The following LIN52 variants were observed in gnomAD, a reference collection of about 807,000 sequenced individuals.
LIN52 encodes lin-52 DREAM MuvB core complex component, also known as protein lin-52 homolog.
LIN52 carries 4 observed loss-of-function variants against 18.5 expected under a neutral mutation model. The ratio of observed to expected loss-of-function variants is 0.22; its 90% CI spans 0.11 to 0.49. The LOEUF is 0.49. LIN52 is among the 20% of genes least tolerant of loss of function. The pLI, the probability that LIN52 is intolerant of heterozygous loss-of-function variation, is 0.97. For missense variants in LIN52, 102 were observed against 139.5 expected (o/e 0.73, Z 1.35); for synonymous variants, 34 against 45.5 (o/e 0.75, Z 1.02).
chr14:74,115,470 C>CA (rs2060959279), intron 5 of LIN52, among the ~76,000 whole-genome samples: 1 of 142,604 alleles, frequency 7.0e-6, no homozygotes, highest in African/African-American at 2.7e-5. Flanking sequence ...AAAAGCACCC[C>CA]AAAGACTGTG....
At chr14:74,086,852 A>C (rs1326838524) in intron 1 of LIN52, among the ~76,000 whole-genome samples, 3 of 152,156 alleles carry the variant, frequency 2.0e-5, no homozygotes, top group African/African-American at 7.2e-5. Context: ...TCTGGAAATG[A>C]ATGTGATGAT....
intron 5 of LIN52, among the ~76,000 whole-genome samples, chr14:74,131,849 C>A (rs1393128182): frequency 6.6e-6 from 1 of 152,098 alleles, no homozygotes; most frequent in Non-Finnish European, 1.5e-5. Context: ...TTTCCCAGGG[C>A]CAACTAGTAA....
At chr14:74,114,847 G>A (rs2060954685) in intron 5 of LIN52, among the ~76,000 whole-genome samples, 1 of 152,180 alleles carries the variant, frequency 6.6e-6, no homozygotes, top group Non-Finnish European at 1.5e-5. Context: ...GACTTGTGAA[G>A]TCCCTATTTT....
chr14:74,186,015 A>C (rs1274380070), intron 5 of LIN52, among the ~76,000 whole-genome samples: 1 of 152,202 alleles, frequency 6.6e-6, no homozygotes, highest in African/African-American at 2.4e-5. Context: ...GAGGCCGGGC[A>C]CAGTGGCTCA....
intron 5 of LIN52, among the ~76,000 whole-genome samples, chr14:74,110,975 A>AT (rs2060923110): frequency 6.6e-6 from 1 of 152,204 alleles, no homozygotes; most frequent in Non-Finnish European, 1.5e-5. Flanking sequence ...CAAAAAAAAA[A>AT]AAAAGATTAA....
At chr14:74,086,964 T>C (rs967350772) in intron 1 of LIN52, among the ~76,000 whole-genome samples, 2 of 152,098 alleles carry the variant, frequency 1.3e-5, no homozygotes, top group Admixed American at 1.3e-4. Context: ...AAAAGCCAAG[T>C]AATACAAGTA....
intron 4 of LIN52, 94 bp from the exon 5 acceptor site, chr14:74,101,061 T>C: frequency 3.1e-6 from 3 of 952,736 alleles, no homozygotes; most frequent in Non-Finnish European, 4.9e-6. Flanking sequence ...TAATTAAGCT[T>C]GAAAACTTGT....
At chr14:74,117,533 T>C (rs1229864324) in intron 5 of LIN52, among the ~76,000 whole-genome samples, 4 of 152,054 alleles carry the variant, frequency 2.6e-5, no homozygotes, top group African/African-American at 7.2e-5. Flanking sequence ...TGATGAGAAC[T>C]AAAGTGATTA....
intron 5 of LIN52, among the ~76,000 whole-genome samples, chr14:74,119,381 G>C (rs1331328192): frequency 6.6e-6 from 1 of 151,916 alleles, no homozygotes. Flanking sequence ...AGCTAGGATG[G>C]TCTCGATCTC....
chr14:74,133,060 A>G (rs1178833256), intron 5 of LIN52, among the ~76,000 whole-genome samples: 1 of 152,150 alleles, frequency 6.6e-6, no homozygotes, highest in Non-Finnish European at 1.5e-5. Context: ...AAATTTCAAA[A>G]TCTATCAGAG....
At chr14:74,118,797 C>T (rs971353917) in intron 5 of LIN52, among the ~76,000 whole-genome samples, 3 of 152,140 alleles carry the variant, frequency 2.0e-5, no homozygotes, top group African/African-American at 7.2e-5. Context: ...CTTTCTAGTA[C>T]ATAAATACAA....
chr14:74,194,327 CA>C (rs2078897443), intron 5 of LIN52, among the ~76,000 whole-genome samples: 2 of 152,140 alleles, frequency 1.3e-5, no homozygotes, highest in Non-Finnish European at 2.9e-5. Flanking sequence ...GAAAGTGAGC[CA>C]GAAGCAAGGC....
At chr14:74,158,102 C>T (rs1392607835) in intron 5 of LIN52, among the ~76,000 whole-genome samples, 4 of 137,254 alleles carry the variant, frequency 2.9e-5, no homozygotes, top group Admixed American at 1.6e-4. Flanking sequence ...TCTATCATCA[C>T]TGCTATATAT....
At chr14:74,175,707 CACAT>C (rs1374639551) in intron 5 of LIN52, among the ~76,000 whole-genome samples, 12 of 78,522 alleles carry the variant, frequency 1.5e-4, no homozygotes, top group Non-Finnish European at 2.8e-4. Context: ...TTAACACAGA[CACAT>C]ACACACACAC....
chr14:74,110,056 C>A (rs941650641), intron 5 of LIN52, among the ~76,000 whole-genome samples: 4 of 152,132 alleles, frequency 2.6e-5, no homozygotes, highest in African/African-American at 9.7e-5. Context: ...ACAGTGTTAG[C>A]TGTGGGCTTT....
At chr14:74,102,685 G>A (rs1486493144) in intron 5 of LIN52, among the ~76,000 whole-genome samples, 1 of 152,136 alleles carries the variant, frequency 6.6e-6, no homozygotes, top group Non-Finnish European at 1.5e-5. Context: ...TTGTGATCAA[G>A]GCTTTATCTC....
At chr14:74,185,058 C>G (rs1450190191) in intron 5 of LIN52, among the ~76,000 whole-genome samples, 1 of 151,882 alleles carries the variant, frequency 6.6e-6, no homozygotes, top group Admixed American at 6.6e-5. Context: ...ACTTACTTCT[C>G]CAGATTTGGA....
chr14:74,187,549 T>C (rs139569341), intron 5 of LIN52, among the ~76,000 whole-genome samples: 2,398 of 152,290 alleles, frequency 0.016, 31 homozygotes, highest in Middle Eastern at 0.058. Context: ...CATTATCCAT[T>C]TTTATTGTTT....
intron 5 of LIN52, among the ~76,000 whole-genome samples, chr14:74,178,307 A>G (rs1324538746): frequency 6.6e-6 from 1 of 152,184 alleles, no homozygotes; most frequent in Non-Finnish European, 1.5e-5. Context: ...AAAGAATGTG[A>G]TTAATGGTAG....
Sources: gnomAD v4.1 joint callset for allele counts (sites outside exome capture counted in the v4.1 genomes callset) on GRCh38, gnomAD v4.1.1 for gene constraint, MANE v1.5 for transcripts, NCBI Gene and HGNC (gene_info 2026-07-23, HGNC 2026-07-21) for gene names.